EXOC2: variants seen among roughly 807,000 people sequenced by gnomAD.
EXOC2 encodes the protein exocyst complex component 2, also known as SEC5-like 1.
In EXOC2, 70 loss-of-function variants were observed where a neutral mutation model predicts 131.8. The ratio of observed to expected loss-of-function variants is 0.53; its 90% CI spans 0.44 to 0.65. The LOEUF (loss-of-function observed/expected upper bound fraction) is 0.65. Among genes scored for constraint, EXOC2 ranks in the 30% least tolerant of loss-of-function variants. The probability of loss-of-function intolerance (pLI) is 0.00; values close to 1 mark genes in which losing one functional copy is unlikely to be tolerated. For synonymous variants in EXOC2, 411 were observed against 398.4 expected (o/e 1.03, Z -0.38); for missense variants, 923 against 1,108.6 (o/e 0.83, Z 2.38).
At chr6:603,660 T>G (rs1483673365) in intron 7 of EXOC2, among the ~76,000 whole-genome samples, 1 of 152,184 alleles carries the variant, frequency 6.6e-6, no homozygotes, top group African/African-American at 2.4e-5. Flanking sequence ...AGCCAGCCAC[T>G]GAGCAAACGT....
intron 2 of EXOC2, among the ~76,000 whole-genome samples, chr6:636,690 T>C (rs1380966229): frequency 2.6e-5 from 4 of 152,188 alleles, no homozygotes. Flanking sequence ...AGAGAATGTC[T>C]GAGTCCAGAA....
chr6:641,318 T>A (rs924886745), intron 1 of EXOC2, among the ~76,000 whole-genome samples: 1 of 152,166 alleles, frequency 6.6e-6, no homozygotes, highest in African/African-American at 2.4e-5. Flanking sequence ...TGTCCCTGGT[T>A]TCTGGGAGCG....
chr6:529,408 GAA>G (rs1392740279), intron 23 of EXOC2, among the ~76,000 whole-genome samples: 3 of 46,548 alleles, frequency 6.4e-5, no homozygotes, highest in Non-Finnish European at 2.9e-4. Context: ...GGCTGGCAAA[GAA>G]AAGTCTTCTT....
chr6:656,932 C>T (rs759075877), intron 1 of EXOC2: 2 of 1,522,148 alleles, frequency 1.3e-6, no homozygotes, highest in Non-Finnish European at 1.8e-6. Flanking sequence ...GTGATCTTGG[C>T]GCGAAACTTC....
intron 1 of EXOC2, among the ~76,000 whole-genome samples, chr6:649,771 AGCTT>A (rs1762748615): frequency 6.6e-6 from 1 of 152,256 alleles, no homozygotes; most frequent in Admixed American, 6.5e-5. Context: ...AAGCCAGTTT[AGCTT>A]TCAGCAAATG....
At chr6:574,762 T>C (rs1758485352) in intron 12 of EXOC2, among the ~76,000 whole-genome samples, 1 of 152,262 alleles carries the variant, frequency 6.6e-6, no homozygotes, top group Non-Finnish European at 1.5e-5. Flanking sequence ...AGGCAGGCTC[T>C]GCCTTCACAG....
intron 1 of EXOC2, among the ~76,000 whole-genome samples, chr6:674,348 CTTATT>C (rs143614034): frequency 0.14 from 21,713 of 151,844 alleles, 1,694 homozygotes; most frequent in African/African-American, 0.21. Context: ...TTGGAAGTGA[CTTATT>C]TATTTACTCT....
At chr6:546,532 G>A (rs555882108) in intron 22 of EXOC2, among the ~76,000 whole-genome samples, 37 of 152,204 alleles carry the variant, frequency 2.4e-4, no homozygotes, top group African/African-American at 8.0e-4. Context: ...TGAACTATGT[G>A]GGTCCACTTA....
intron 1 of EXOC2, among the ~76,000 whole-genome samples, chr6:662,157 A>G (rs1434210485): frequency 6.6e-6 from 1 of 152,188 alleles, no homozygotes; most frequent in Admixed American, 6.5e-5. Flanking sequence ...TTATAAAACA[A>G]TTACTAATAG....
At chr6:683,850 T>C (rs1343947504) in intron 1 of EXOC2, among the ~76,000 whole-genome samples, 3 of 152,224 alleles carry the variant, frequency 2.0e-5, no homozygotes, top group Non-Finnish European at 1.5e-5. Context: ...GCCGTTAACA[T>C]TTCTGAGCCG....
intron 1 of EXOC2, among the ~76,000 whole-genome samples, chr6:687,733 A>G (rs1764728595): frequency 6.6e-6 from 1 of 152,272 alleles, no homozygotes; most frequent in African/African-American, 2.4e-5. Context: ...CAGAAGCTCA[A>G]GAATGACTTT....
chr6:532,375 T>G (rs1447047506), intron 23 of EXOC2, 94 bp downstream of exon 23: 12 of 1,253,846 alleles, frequency 9.6e-6, no homozygotes, highest in South Asian at 2.3e-5. Context: ...TCAGTAGATA[T>G]GAGAAAAATG....
At chr6:534,742 C>T (rs977132658) in intron 22 of EXOC2, among the ~76,000 whole-genome samples, 3 of 152,328 alleles carry the variant, frequency 2.0e-5, no homozygotes, top group South Asian at 2.1e-4. Context: ...CACATCAGAA[C>T]GAAGAAGATG....
chr6:493,820 G>A (rs1763570945), intron 25 of EXOC2, among the ~76,000 whole-genome samples: 1 of 152,166 alleles, frequency 6.6e-6, no homozygotes. Context: ...AAAAACTGGA[G>A]GCTGGAACAG....
chr6:526,664 T>A (rs955735644), intron 23 of EXOC2, among the ~76,000 whole-genome samples: 1 of 152,004 alleles, frequency 6.6e-6, no homozygotes, highest in Non-Finnish European at 1.5e-5. Context: ...GGTCTTGAAC[T>A]CCCGACCTCA....
intron 3 of EXOC2, 146 bp from the exon 4 acceptor site, chr6:630,107 T>C: frequency 9.6e-7 from 1 of 1,046,474 alleles, no homozygotes; most frequent in Non-Finnish European, 1.3e-6. Context: ...AACAGCTAAA[T>C]TTTTAAAAAA....
chr6:573,415 C>G (rs1392366210), intron 12 of EXOC2, among the ~76,000 whole-genome samples: 1 of 152,158 alleles, frequency 6.6e-6, no homozygotes, highest in Non-Finnish European at 1.5e-5. Context: ...GCCTCCCGCC[C>G]CGCACTCCAC....
intron 25 of EXOC2, among the ~76,000 whole-genome samples, chr6:492,978 C>G (rs1763523834): frequency 1.3e-5 from 2 of 152,178 alleles, no homozygotes; most frequent in African/African-American, 4.8e-5. Flanking sequence ...TAAGTGTGAT[C>G]TGACATACAA....
chr6:650,057 C>G (rs1160349533), intron 1 of EXOC2, among the ~76,000 whole-genome samples: 1 of 152,088 alleles, frequency 6.6e-6, no homozygotes, highest in Non-Finnish European at 1.5e-5. Context: ...CATCTTCAAA[C>G]AAGGACAAAA....
Sources: allele counts gnomAD v4.1 joint callset (sites outside exome capture counted in the v4.1 genomes callset), GRCh38; gene constraint gnomAD v4.1.1; transcripts MANE v1.5; gene names NCBI Gene and HGNC (gene_info 2026-07-23, HGNC 2026-07-21).